Variants in TBC1D8B observed in about 807,000 individuals in gnomAD.
TBC1D8B encodes TBC1 domain family member 8B.
Under a neutral mutation model 82.9 loss-of-function variants are expected in TBC1D8B, and 75 were observed. The observed-to-expected ratio is 0.90, with a 90% CI of 0.75 to 1.10. The LOEUF (loss-of-function observed/expected upper bound fraction) is 1.10, where lower values mean the gene tolerates loss of function less well. TBC1D8B is among the 50% of genes least tolerant of loss of function. TBC1D8B has a pLI of 0.00. For missense variants in TBC1D8B, 794 were observed against 796.9 expected (o/e 1.00, Z 0.04); for synonymous variants, 276 against 276.8 (o/e 1.00, Z 0.03).
intron 20 of TBC1D8B, among the ~76,000 whole-genome samples, chrX:106,871,379 A>G (rs1932847385): frequency 8.9e-6 from 1 of 111,972 alleles, no homozygotes; most frequent in African/African-American, 3.2e-5. Context: ...ATCATTTGAC[A>G]ATTGAATAAG....
At chrX:106,811,042 T>C (rs1931354453) in intron 1 of TBC1D8B, among the ~76,000 whole-genome samples, 1 of 112,218 alleles carries the variant, frequency 8.9e-6, no homozygotes, top group South Asian at 3.7e-4. Flanking sequence ...TGAAAAGTCA[T>C]GACATTGGCC....
At chrX:106,816,885 A>G (rs186367722) in intron 1 of TBC1D8B, among the ~76,000 whole-genome samples, 1 of 110,823 alleles carries the variant, frequency 9.0e-6, no homozygotes, top group African/African-American at 3.3e-5. Context: ...ACCTCCTTCT[A>G]TGCATGTAAC....
At chrX:106,811,455 G>C (rs370412353) in intron 1 of TBC1D8B, among the ~76,000 whole-genome samples, 1 of 111,549 alleles carries the variant, frequency 9.0e-6, no homozygotes, top group South Asian at 3.8e-4. Context: ...TTTGAGCCAG[G>C]GATGTGGAGG....
rs1245823569 is a variant in TBC1D8B, at chrX:106,875,692, G to C, written c.*1727G>C. On this transcript the variant is annotated 3_prime_UTR_variant, in exon 21 of 21. Transcript: ENST00000357242. ...ATGATTGTTAAATTATACTGAAGTAGCTCTAGAAAGACACATGTATACAAG... is the reference window on the plus strand; with the variant it reads ...ATGATTGTTAAATTATACTGAAGTACCTCTAGAAAGACACATGTATACAAG... The C allele has an allele frequency of 8.9e-6, 1 of 111,806 alleles. No homozygotes were observed. Among genetic ancestry groups the C allele is most frequent in the Non-Finnish European group, 1.9e-5 (1 of 53,174 alleles). The allele number at this position is 111,806 out of a possible 1,213,427, so 9.2% of individuals were successfully genotyped here. A position where few individuals can be genotyped will look rare whatever the true frequency, so the allele number is the denominator to read the frequency against.
chrX:106,830,887 T>C (rs1053812029), intron 7 of TBC1D8B, among the ~76,000 whole-genome samples: 15 of 108,543 alleles, frequency 1.4e-4, no homozygotes, highest in African/African-American at 4.7e-4. Context: ...ATGGCACATG[T>C]ATACATATGT....
intron 1 of TBC1D8B, among the ~76,000 whole-genome samples, chrX:106,805,213 G>A (rs976635621): frequency 2.8e-5 from 3 of 105,407 alleles, no homozygotes; most frequent in Non-Finnish European, 3.9e-5. Context: ...CTCAGCCTCC[G>A]GAGTAGCTAG....
At chrX:106,832,554 T>C (rs932131991) in intron 7 of TBC1D8B, among the ~76,000 whole-genome samples, 4 of 111,353 alleles carry the variant, frequency 3.6e-5, no homozygotes, top group Non-Finnish European at 7.6e-5. Flanking sequence ...CCTTGCCTGA[T>C]GCTTTTAAAC....
intron 10 of TBC1D8B, among the ~76,000 whole-genome samples, chrX:106,843,282 G>T (rs990659382): frequency 9.0e-6 from 1 of 111,662 alleles, no homozygotes; most frequent in African/African-American, 3.2e-5. Context: ...TTTCCAAAGA[G>T]ACTGCACCAT....
At chrX:106,812,398 C>T (rs776584682) in intron 1 of TBC1D8B, among the ~76,000 whole-genome samples, 3 of 111,990 alleles carry the variant, frequency 2.7e-5, no homozygotes, top group Non-Finnish European at 5.6e-5. Context: ...AAAGAATCCA[C>T]TGTAAGTTTC....
chrX:106,869,418 C>T (rs898560181), intron 18 of TBC1D8B, 67 bp from the exon 19 acceptor site: 8 of 985,463 alleles, frequency 8.1e-6, no homozygotes, highest in African/African-American at 7.6e-5. Context: ...CTATATGAAA[C>T]ATTATTTTGC....
intron 14 of TBC1D8B, among the ~76,000 whole-genome samples, chrX:106,859,114 GTAGT>G (rs1932751085): frequency 8.9e-6 from 1 of 112,058 alleles, no homozygotes; most frequent in African/African-American, 3.2e-5. Flanking sequence ...CTGTAGCCTT[GTAGT>G]ATAGTTTGAA....
intron 2 of TBC1D8B, 140 bp from the exon 3 acceptor site, chrX:106,820,737 T>C: frequency 2.3e-6 from 1 of 437,831 alleles, no homozygotes; most frequent in Non-Finnish European, 3.9e-6. Context: ...TAGGAATAAA[T>C]GTAAATATTT....
chrX:106,860,889 C>T (rs952184363), intron 14 of TBC1D8B, among the ~76,000 whole-genome samples: 1 of 111,806 alleles, frequency 8.9e-6, no homozygotes, highest in African/African-American at 3.2e-5. Flanking sequence ...CTTAACACTG[C>T]TTTAACTGTG....
intron 7 of TBC1D8B, among the ~76,000 whole-genome samples, chrX:106,836,521 TCTTA>T (rs1932180164): frequency 9.0e-6 from 1 of 111,272 alleles, no homozygotes; most frequent in Non-Finnish European, 1.9e-5. Context: ...GCATTCTTTA[TCTTA>T]CTTAAGCTAC....
chrX:106,806,367 G>A (rs1486993212), intron 1 of TBC1D8B, among the ~76,000 whole-genome samples: 7 of 111,865 alleles, frequency 6.3e-5, no homozygotes, highest in Admixed American at 1.9e-4. Flanking sequence ...TGGATTTTAC[G>A]GTCCCCTTAT....
At chrX:106,854,376 G>T in intron 14 of TBC1D8B, 80 bp downstream of exon 14, 1 of 618,344 alleles carries the variant, frequency 1.6e-6, no homozygotes, top group South Asian at 5.0e-5. Context: ...TATCTTCTGG[G>T]CGAATAAAAT....
At chrX:106,841,010 A>G (rs982711343) in intron 10 of TBC1D8B, 126 bp downstream of exon 10, 2 of 531,663 alleles carry the variant, frequency 3.8e-6, no homozygotes, top group South Asian at 6.4e-5. Flanking sequence ...AGAGCATAGT[A>G]TTAATGTAAG....
chrX:106,838,812 T>C (rs1447796282), intron 7 of TBC1D8B, among the ~76,000 whole-genome samples: 3 of 111,376 alleles, frequency 2.7e-5, no homozygotes, highest in African/African-American at 9.8e-5. Flanking sequence ...GGAATAGAGA[T>C]TTTCCAGGGA....
intron 7 of TBC1D8B, among the ~76,000 whole-genome samples, chrX:106,830,431 C>T (rs1932004461): frequency 9.0e-6 from 1 of 111,278 alleles, no homozygotes; most frequent in Admixed American, 9.5e-5. Flanking sequence ...TTGACCCAGC[C>T]ATCCCATTAC....
Sources: gnomAD v4.1 joint callset for allele counts (sites outside exome capture counted in the v4.1 genomes callset) on GRCh38, gnomAD v4.1.1 for gene constraint, MANE v1.5 for transcripts, NCBI Gene and HGNC (gene_info 2026-07-23, HGNC 2026-07-21) for gene names.